The following HLA-DPB1 variants were observed in gnomAD, a reference collection of about 807,000 sequenced individuals.
HLA-DPB1 encodes HLA class II histocompatibility antigen, DP beta 1 chain.
In HLA-DPB1, 30 loss-of-function variants were observed where a neutral mutation model predicts 29.4. The observed-to-expected ratio is 1.02, with a 90% CI of 0.76 to 1.38. HLA-DPB1 has a LOEUF of 1.38. Among genes scored for constraint, HLA-DPB1 ranks in the 40% most tolerant of loss-of-function variants. The probability of loss-of-function intolerance (pLI) is 0.00; values close to 1 mark genes in which losing one functional copy is unlikely to be tolerated. For synonymous variants in HLA-DPB1, 114 were observed against 134.0 expected (o/e 0.85, Z 1.03); for missense variants, 261 against 327.5 (o/e 0.80, Z 1.57).
At chr6:33,077,883 G>T (rs1257085201) in intron 1 of HLA-DPB1, among the ~76,000 whole-genome samples, 1 of 149,654 alleles carries the variant, frequency 6.7e-6, no homozygotes, top group Non-Finnish European at 1.5e-5. Flanking sequence ...CTATTACCTT[G>T]GGTTCATTGT....
intron 2 of HLA-DPB1, chr6:33,081,950 A>T (rs7771721): frequency 0.17 from 26,036 of 151,676 alleles, 3,632 homozygotes; most frequent in African/African-American, 0.39. Flanking sequence ...CACCAACCTG[A>T]GGGACTTGAG....
intron 2 of HLA-DPB1, among the ~76,000 whole-genome samples, chr6:33,084,626 T>G (rs1403654933): frequency 3.3e-5 from 5 of 151,908 alleles, no homozygotes; most frequent in African/African-American, 1.2e-4. Flanking sequence ...TGGAGAAACC[T>G]TGTCTCTACT....
rs760250667 is a variant in HLA-DPB1 at position 33,080,661 on chromosome 6, C to G, written c.101-11C>G. 6.2e-7 allele frequency: 1 copy of G among 1,612,384 alleles called. No homozygotes were observed. Among genetic ancestry groups the G allele is most frequent in the Non-Finnish European group, 8.5e-7 (1 of 1,179,310 alleles). ...GTGGCGCCTCCGCTCATGTCCGCCCCCTCCCCGCAGAGAATTACCTTTTCC... is the reference window on the plus strand; with the variant it reads ...GTGGCGCCTCCGCTCATGTCCGCCCGCTCCCCGCAGAGAATTACCTTTTCC... On this transcript the variant is annotated splice_polypyrimidine_tract_variant and intron_variant, in intron 1 of 5. Transcript: ENST00000418931. This position sits in a 1 kb window ranked among gnomAD's most constrained non-coding sequence, Gnocchi z 4.3.
At position 33,076,081 on chromosome 6, in the gene HLA-DPB1, G is replaced by T; in HGVS notation, c.40G>T (p.Ala14Ser). 1 of 1,612,562 alleles carries T rather than the reference G, an allele frequency of 6.2e-7. No individual in the cohort carries two copies. The highest frequency in any genetic ancestry group is 1.1e-5 in the South Asian group (1 of 90,814). Residue 14 changes from alanine to serine, a missense_variant, in exon 1 of 6, where the codon GCT (alanine) becomes TCT (serine). Coordinates refer to ENST00000418931, the MANE Select transcript of HLA-DPB1 (RefSeq NM_002121.6). ...LQVSAAPRTV[A>S]LTALLMVLLT... Reference sequence around the variant, plus strand: ...GGTTTCTGCGGCCCCCCGGACAGTGGCTCTGACGGCGTTACTGATGGTGCT... The same window carrying T: ...GGTTTCTGCGGCCCCCCGGACAGTGTCTCTGACGGCGTTACTGATGGTGCT...
At chr6:33,083,224 G>A (rs1762951415) in intron 2 of HLA-DPB1, among the ~76,000 whole-genome samples, 1 of 152,202 alleles carries the variant, frequency 6.6e-6, no homozygotes, top group African/African-American at 2.4e-5. Flanking sequence ...AGGGAGTAAG[G>A]GTTGTGTGTC....
rs1432743249 is a variant in HLA-DPB1, at chr6:33,080,656, CG to C, written c.101-15del. ...TGAGAGTGGCGCCTCCGCTCATGTCCGCCCCCTCCCCGCAGAGAATTACCTT... is the reference window on the plus strand; with the variant it reads ...TGAGAGTGGCGCCTCCGCTCATGTCCCCCCCTCCCCGCAGAGAATTACCTT... On this transcript the variant is annotated splice_polypyrimidine_tract_variant and intron_variant, in intron 1 of 5. Coordinates refer to ENST00000418931, the MANE Select transcript of HLA-DPB1 (RefSeq NM_002121.6). The surrounding 1 kb of genome is among the most constrained non-coding windows in gnomAD (Gnocchi z 4.3). 5 of 1,612,060 alleles carry C rather than the reference CG, an allele frequency of 3.1e-6. No individual in the cohort carries two copies. In the South Asian group the frequency reaches 3.3e-5, roughly 11 times the overall value.
Position 33,088,500 on chromosome 6 carries a change from G to A in HLA-DPB1, c.*1966G>A, listed in dbSNP as rs1340666114. On this transcript the variant is annotated 3_prime_UTR_variant, in exon 6 of 6. Transcript: ENST00000418931. ...ATGTCCCTGGAGTCACAGAAAGAAG[G>A]TATCAGATGTGTCTCACTCTGACAT... Among the ~76,000 whole-genome samples the A allele has an allele frequency of 6.6e-6, 1 of 152,166 alleles. No individual in the cohort carries two copies. The highest frequency in any genetic ancestry group is 1.5e-5 in the Non-Finnish European group (1 of 68,024).
rs1325886825 is a variant in HLA-DPB1 at position 33,087,883 on chromosome 6, C to G, written c.*1349C>G. 6.8e-6 allele frequency among the ~76,000 whole-genome samples: 1 copy of G among 146,920 alleles called. No homozygotes were observed. Among genetic ancestry groups the G allele is most frequent in the Admixed American group, 6.8e-5 (1 of 14,778 alleles). ...CACAAGGACAACCAATCATGTTTCT[C>G]ATAATCTTCTTAACCTAGGGAATAG... On this transcript the variant is annotated 3_prime_UTR_variant, in exon 6 of 6. Coordinates refer to ENST00000418931, the MANE Select transcript of HLA-DPB1 (RefSeq NM_002121.6).
intron 1 of HLA-DPB1, among the ~76,000 whole-genome samples, chr6:33,077,800 C>A (rs1265884972): frequency 6.6e-6 from 1 of 152,200 alleles, no homozygotes; most frequent in African/African-American, 2.4e-5. Flanking sequence ...GACATCATGT[C>A]ACCTCCTCAT....
chr6:33,085,757 A>C (rs571806241), intron 3 of HLA-DPB1, 22 bp from the exon 4 acceptor site: 11 of 1,554,582 alleles, frequency 7.1e-6, no homozygotes, highest in Admixed American at 5.0e-5. Flanking sequence ...GGTGACACTA[A>C]ACCTGGGTCT....
chr6:33,078,134 T>C (rs1762644628), intron 1 of HLA-DPB1, among the ~76,000 whole-genome samples: 1 of 149,624 alleles, frequency 6.7e-6, no homozygotes. Flanking sequence ...AACCCAGAGG[T>C]GGGGGAGCAG....
In HLA-DPB1 at chr6:33,080,935, G is replaced by T; in HGVS notation, c.364G>T (p.Val122Phe). 6.3e-7 allele frequency: 1 copy of T among 1,583,288 alleles called. No homozygotes were observed. The highest frequency in any genetic ancestry group is 8.6e-7 in the Non-Finnish European group (1 of 1,165,736). Residue 122 changes from valine (V) to phenylalanine (F), a missense_variant and splice_region_variant, in exon 2 of 6, where the codon GTC (valine) becomes TTC (phenylalanine). Physicochemically the swap from Val to Phe is conservative, Grantham distance 50 (BLOSUM62 -1). Coordinates refer to ENST00000418931, the MANE Select transcript of HLA-DPB1 (RefSeq NM_002121.6). This position sits in a 1 kb window ranked among gnomAD's most constrained non-coding sequence, Gnocchi z 4.3. ...LGGPMTLQRR[V>F]QPRVNVSPSK... Reference sequence around the variant, plus strand: ...CGGGCCCATGACCCTGCAGCGCCGAGGTGAGTGAGGGCTTTGGGCCGGCGG... The same window carrying T: ...CGGGCCCATGACCCTGCAGCGCCGATGTGAGTGAGGGCTTTGGGCCGGCGG...
rs1236830146 is a variant in HLA-DPB1, at chr6:33,080,030, AG to A, written c.101-641del. Among the ~76,000 whole-genome samples, 1 of 152,220 alleles carries A rather than the reference AG, an allele frequency of 6.6e-6. No individual in the cohort carries two copies. Among genetic ancestry groups the A allele is most frequent in the Non-Finnish European group, 1.5e-5 (1 of 68,036 alleles). On this transcript the variant is annotated intron_variant, in intron 1 of 5. Transcript: ENST00000418931. The surrounding 1 kb of genome is among the most constrained non-coding windows in gnomAD (Gnocchi z 4.3). ...ATCTTTTGACACCAAGTCTTTCTGCAGCCATGTTTGAAAATTAACTTTCAGG... is the reference window on the plus strand; with the variant it reads ...ATCTTTTGACACCAAGTCTTTCTGCACCATGTTTGAAAATTAACTTTCAGG...
intron 1 of HLA-DPB1, among the ~76,000 whole-genome samples, chr6:33,078,299 T>C (rs1174495851): frequency 8.5e-5 from 13 of 152,066 alleles, no homozygotes; most frequent in Admixed American, 8.5e-4. Flanking sequence ...GAATGTTCAA[T>C]CAAAACCTGC....
At chr6:33,077,495 C>A (rs6457711) in intron 1 of HLA-DPB1, among the ~76,000 whole-genome samples, 57,429 of 151,862 alleles carry the variant, frequency 0.38, 12,361 homozygotes, top group East Asian at 0.72. Context: ...AATTGCCACA[C>A]TGTCTTGAGA....
chr6:33,083,279 A>G (rs569904340), intron 2 of HLA-DPB1, among the ~76,000 whole-genome samples: 1 of 152,270 alleles, frequency 6.6e-6, no homozygotes, highest in South Asian at 2.1e-4. Context: ...ATGTTAGGGT[A>G]TTTGTGTTCT....
At chr6:33,076,968 G>C (rs965275316) in intron 1 of HLA-DPB1, among the ~76,000 whole-genome samples, 1 of 151,808 alleles carries the variant, frequency 6.6e-6, no homozygotes, top group African/African-American at 2.4e-5. Context: ...TGTGCACAAC[G>C]TGCAGGTTTG....
At position 33,089,480 on chromosome 6, in the gene HLA-DPB1, C is replaced by T. The variant is rs1020929508; in HGVS notation, c.*2946C>T. ...TCAGGCTGACAGTCTTTCTCCTGCA[C>T]ATCTGCTCCCAGAACCTCCCCAGCA... On this transcript the variant is annotated 3_prime_UTR_variant, in exon 6 of 6. Transcript: ENST00000418931. Among the ~76,000 whole-genome samples the T allele has an allele frequency of 1.3e-5, 2 of 152,218 alleles. No homozygotes were observed. The highest frequency in any genetic ancestry group is 2.9e-5 in the Non-Finnish European group (2 of 68,040).
chr6:33,084,473 A>G (rs9277437), intron 2 of HLA-DPB1, among the ~76,000 whole-genome samples: 57,529 of 151,778 alleles, frequency 0.38, 12,393 homozygotes, highest in East Asian at 0.64. Context: ...AATCAATTAC[A>G]TAGTGAACAT....
Sources: allele counts gnomAD v4.1 joint callset (sites outside exome capture counted in the v4.1 genomes callset), GRCh38; gene constraint gnomAD v4.1.1; non-coding constraint Gnocchi (gnomAD v3.1); transcripts MANE v1.5; gene names NCBI Gene and HGNC (gene_info 2026-07-23, HGNC 2026-07-21).